Variants in ZSCAN5A observed in about 807,000 individuals in gnomAD.
ZSCAN5A encodes the protein zinc finger and SCAN domain-containing protein 5A.
In ZSCAN5A, 12 loss-of-function variants were observed where a neutral mutation model predicts 23.7. The observed-to-expected ratio is 0.51, with a 90% CI of 0.32 to 0.82. ZSCAN5A has a LOEUF of 0.82. Ranked by LOEUF, ZSCAN5A falls within the 40% of genes least tolerant of loss-of-function variation. The pLI, the probability that ZSCAN5A is intolerant of heterozygous loss-of-function variation, is 0.03. For missense variants in ZSCAN5A, 597 were observed against 617.9 expected, an observed-to-expected ratio of 0.97 and a Z score of 0.36; for synonymous variants, 257 against 239.9, an observed-to-expected ratio of 1.07 and a Z score of -0.66.
chr19:56,243,773 C>G (rs893264117), intron 2 of ZSCAN5A, among the ~76,000 whole-genome samples: 1 of 151,958 alleles, frequency 6.6e-6, no homozygotes, highest in African/African-American at 2.4e-5. Context: ...CAGGTGTAGA[C>G]AGCGGAAGAG....
intron 2 of ZSCAN5A, chr19:56,300,037 T>C (rs570232541): frequency 1.1e-4 from 17 of 152,294 alleles, no homozygotes; most frequent in African/African-American, 3.9e-4. Flanking sequence ...ATAGATGTGA[T>C]TGTGTACCTT....
At chr19:56,267,371 C>G (rs150070314) in intron 2 of ZSCAN5A, among the ~76,000 whole-genome samples, 87 of 151,748 alleles carry the variant, frequency 5.7e-4, no homozygotes, top group Admixed American at 1.1e-3. Context: ...TCATAGCAAC[C>G]CTGTTAGGTA....
At position 56,338,048 on chromosome 19, in the gene ZSCAN5A, T is replaced by C. The variant is rs547722327; in HGVS notation, c.-357-21780A>G. The stretch of plus-strand genomic sequence containing the variant: ...GGAGAGTATAACAAGATAAATCTGT[T>C]ACTGTGAAAAATTAATTGTGACAAC... On this transcript the variant is annotated intron_variant, in intron 2 of 6. Transcript: ENST00000587340. 3.3e-5 allele frequency among the ~76,000 whole-genome samples: 5 copies of C among 152,320 alleles called. No individual in the cohort carries two copies. In the South Asian group the frequency reaches 1.0e-3, roughly 32 times the overall value.
At chr19:56,344,642 G>A (rs1168202132) in intron 2 of ZSCAN5A, among the ~76,000 whole-genome samples, 2 of 151,744 alleles carry the variant, frequency 1.3e-5, no homozygotes, top group African/African-American at 2.4e-5. Context: ...AGTGGCTCAC[G>A]CCTGTAATCC....
At chr19:56,285,169 T>C (rs540626359) in intron 2 of ZSCAN5A, 1 of 261,976 alleles carries the variant, frequency 3.8e-6, no homozygotes, top group African/African-American at 2.3e-5. Flanking sequence ...TGAACTTTGA[T>C]GTAATGAAAA....
chr19:56,238,607 C>A (rs979334130), intron 2 of ZSCAN5A, among the ~76,000 whole-genome samples: 3 of 151,898 alleles, frequency 2.0e-5, no homozygotes, highest in African/African-American at 4.9e-5. Context: ...TTGCACCCAG[C>A]CAAGGTGAGT....
rs2033396298 is a variant in ZSCAN5A at position 56,222,657 on chromosome 19, G to C, written c.673C>G (p.Leu225Val). Residue 225 changes from leucine (L) to valine (V), a missense_variant, in exon 5 of 6, where the codon CTG (leucine) becomes GTG (valine). Around this residue, in one of 5 missense-constraint regions of ZSCAN5A, gnomAD observed 406 missense variants for 353.2 expected, o/e 1.15. Transcript: ENST00000683990. The stretch of plus-strand genomic sequence containing the variant: ...GGGTTCTCTTCCCTGTTTTCCTTCA[G>C]ATCCTTCTCCAAGGTCTGCTTGGGT... ...LRPKQTLEKDLKENREENPGL... is the reference protein window; with the variant it reads ...LRPKQTLEKDVKENREENPGL... 6.2e-7 allele frequency: 1 copy of C among 1,614,052 alleles called. No individual in the cohort carries two copies. The highest frequency in any genetic ancestry group is 8.5e-7 in the Non-Finnish European group (1 of 1,180,040).
At chr19:56,298,460 A>ACC (rs2040021487) in intron 2 of ZSCAN5A, among the ~76,000 whole-genome samples, 1 of 151,902 alleles carries the variant, frequency 6.6e-6, no homozygotes, top group Non-Finnish European at 1.5e-5. Flanking sequence ...ACATGATGAA[A>ACC]CCCCGTCTGG....
chr19:56,223,795 C>G lies in ZSCAN5A; in HGVS notation c.424G>C (p.Asp142His). ...TFHGKEYIVQ[D>H]SDIEMAEAPS... ...GCTTCAGCCATCTCGATATCTGAGT[C>G]CTGCACAATATATTCCTTTCCGTGG... Residue 142 changes from aspartate (D) to histidine (H), a missense_variant, in exon 4 of 6, where the codon GAC (aspartate) becomes CAC (histidine). Physicochemically the swap from Asp to His is moderately conservative, Grantham distance 81 (BLOSUM62 -1). Around this residue, in one of 5 missense-constraint regions of ZSCAN5A, gnomAD observed 406 missense variants for 353.2 expected, o/e 1.15. Coordinates refer to ENST00000683990, the MANE Select transcript of ZSCAN5A (RefSeq NM_001322064.3). 6.2e-7 allele frequency: 1 copy of G among 1,613,758 alleles called. No individual in the cohort carries two copies. The highest frequency in any genetic ancestry group is 8.5e-7 in the Non-Finnish European group (1 of 1,180,032).
At chr19:56,271,930 A>G (rs1379147393) in intron 2 of ZSCAN5A, among the ~76,000 whole-genome samples, 2 of 152,212 alleles carry the variant, frequency 1.3e-5, no homozygotes, top group Non-Finnish European at 2.9e-5. Context: ...TTACCAGTGG[A>G]AACAGTTAGT....
At chr19:56,334,216 C>A (rs191131560) in intron 2 of ZSCAN5A, among the ~76,000 whole-genome samples, 36 of 152,258 alleles carry the variant, frequency 2.4e-4, no homozygotes, top group African/African-American at 7.9e-4. Context: ...TCCAAGTTCT[C>A]TGCATAGAGT....
In ZSCAN5A at chr19:56,221,414, G is replaced by T. The variant is rs1364269273; in HGVS notation, c.*161C>A. The T allele has an allele frequency of 1.8e-5, 14 of 764,948 alleles. No homozygotes were observed. Among genetic ancestry groups the T allele is most frequent in the Non-Finnish European group, 1.6e-5 (8 of 494,092 alleles). The allele number at this position is 764,948 out of a possible 1,614,324, so 47.4% of individuals were successfully genotyped here. On this transcript the variant is annotated 3_prime_UTR_variant, in exon 6 of 6. Transcript: ENST00000683990. ...AATGAAACAGAAAACAAAGCTCAGTGGGGAGGACACATATTTACTCAAACA... is the reference window on the plus strand; with the variant it reads ...AATGAAACAGAAAACAAAGCTCAGTTGGGAGGACACATATTTACTCAAACA...
intron 2 of ZSCAN5A, among the ~76,000 whole-genome samples, chr19:56,350,683 A>G (rs914962241): frequency 1.3e-5 from 2 of 152,140 alleles, no homozygotes; most frequent in Non-Finnish European, 2.9e-5. Flanking sequence ...CCATTGGTGT[A>G]ACTAAAAGGT....
chr19:56,331,473 TC>T (rs1318341618), intron 2 of ZSCAN5A, among the ~76,000 whole-genome samples: 2 of 151,916 alleles, frequency 1.3e-5, no homozygotes, highest in Non-Finnish European at 2.9e-5. Context: ...ATTATTTTTT[TC>T]AGCAGTGTTC....
At chr19:56,301,153 C>A (rs973077764) in intron 2 of ZSCAN5A, among the ~76,000 whole-genome samples, 1 of 152,134 alleles carries the variant, frequency 6.6e-6, no homozygotes, top group African/African-American at 2.4e-5. Flanking sequence ...AAAGTGAAAG[C>A]AAGTTTATTA....
At chr19:56,359,008 A>G (rs949943708) in intron 2 of ZSCAN5A, among the ~76,000 whole-genome samples, 3 of 152,218 alleles carry the variant, frequency 2.0e-5, no homozygotes, top group Admixed American at 6.5e-5. Flanking sequence ...CATCACAACT[A>G]AAAGTACCAG....
intron 2 of ZSCAN5A, among the ~76,000 whole-genome samples, chr19:56,275,899 T>A (rs1237396734): frequency 6.6e-6 from 1 of 152,236 alleles, no homozygotes; most frequent in Non-Finnish European, 1.5e-5. Context: ...ACGAATGGAC[T>A]TATCGATGGA....
rs577513858 is a variant in ZSCAN5A, at chr19:56,222,640, T to C, written c.690A>G (p.Glu230=). 1.9e-6 allele frequency: 3 copies of C among 1,614,194 alleles called. No homozygotes were observed. The highest frequency in any genetic ancestry group is 2.2e-5 in the East Asian group (1 of 44,878). Residue 230 remains glutamate, a synonymous_variant, in exon 5 of 6, where the codon GAA becomes GAG. Coordinates refer to ENST00000683990, the MANE Select transcript of ZSCAN5A (RefSeq NM_001322064.3). ...TLEKDLKENR[E]ENPGLTSPEP... ...CTGGGGATGTCAGTCCTGGGTTCTC[T>C]TCCCTGTTTTCCTTCAGATCCTTCT...
chr19:56,277,809 A>G (rs2038378510), intron 2 of ZSCAN5A, among the ~76,000 whole-genome samples: 1 of 152,206 alleles, frequency 6.6e-6, no homozygotes, highest in Non-Finnish European at 1.5e-5. Context: ...TACAATGTAC[A>G]TTACAAAGAT....
Sources: gnomAD v4.1 joint callset for allele counts (sites outside exome capture counted in the v4.1 genomes callset) on GRCh38, gnomAD v4.1.1 for gene constraint, gnomAD v4.1.1 regional missense constraint, MANE v1.5 for transcripts, NCBI Gene and HGNC (gene_info 2026-07-23, HGNC 2026-07-21) for gene names.